The following SNX29 variants were observed in gnomAD, a reference collection of about 807,000 sequenced individuals.
SNX29 encodes sorting nexin 29, also known as sorting nexin-29.
SNX29 carries 78 observed loss-of-function variants against 102.1 expected under a neutral mutation model. The ratio of observed to expected loss-of-function variants is 0.76; its 90% CI spans 0.64 to 0.92. SNX29 has a LOEUF of 0.92. SNX29 is among the 40% of genes least tolerant of loss of function. The probability of loss-of-function intolerance (pLI) is 0.00; values close to 1 mark genes in which losing one functional copy is unlikely to be tolerated. For missense variants in SNX29, 1,280 were observed against 1,061.7 expected (o/e 1.21, Z -2.86); for synonymous variants, 580 against 414.5 (o/e 1.40, Z -4.85).
At chr16:12,545,072 T>C (rs2077526300) in intron 20 of SNX29, among the ~76,000 whole-genome samples, 1 of 152,132 alleles carries the variant, frequency 6.6e-6, no homozygotes, top group Non-Finnish European at 1.5e-5. Context: ...AGCCACGAAA[T>C]GCACTGTGCC....
Position 12,054,734 on chromosome 16 carries a change from A to G in SNX29, c.1124+2512A>G, listed in dbSNP as rs112532209. ...GTTGTGTGGAGCAGTTCCTCAATAT[A>G]AACCTGTATTTGTATCTCTCTGTCT... On this transcript the variant is annotated intron_variant, in intron 8 of 20. Coordinates refer to ENST00000566228, the MANE Select transcript of SNX29 (RefSeq NM_032167.5). 4.5e-3 allele frequency among the ~76,000 whole-genome samples: 687 copies of G among 152,196 alleles called. 12 individuals carry two copies. The highest frequency in any genetic ancestry group is 0.016 in the African/African-American group (657 of 41,526).
chr16:12,548,328 C>G (rs1157015579), intron 20 of SNX29, among the ~76,000 whole-genome samples: 1 of 152,202 alleles, frequency 6.6e-6, no homozygotes, highest in Non-Finnish European at 1.5e-5. Context: ...TGGCTTGGTG[C>G]CTCCATGGGG....
At chr16:12,398,360 T>G (rs1355120525) in intron 16 of SNX29, 86 bp from the exon 17 acceptor site, 9 of 1,434,368 alleles carry the variant, frequency 6.3e-6, no homozygotes, top group African/African-American at 1.4e-5. Context: ...CAGGGATCTC[T>G]GAGAGGCAGA....
intron 15 of SNX29, among the ~76,000 whole-genome samples, chr16:12,300,916 C>A (rs2080153839): frequency 6.6e-6 from 1 of 152,180 alleles, no homozygotes; most frequent in South Asian, 2.1e-4. Context: ...ACATTCCGTA[C>A]TCTGCCCTTG....
intron 4 of SNX29, among the ~76,000 whole-genome samples, chr16:12,039,683 T>C (rs2057573888): frequency 1.3e-5 from 2 of 152,246 alleles, no homozygotes; most frequent in Non-Finnish European, 2.9e-5. Context: ...AAGACTCAGC[T>C]TCCCCTACTT....
chr16:12,295,116 C>A (rs763980944), intron 15 of SNX29, among the ~76,000 whole-genome samples: 1 of 152,238 alleles, frequency 6.6e-6, no homozygotes, highest in Admixed American at 6.5e-5. Flanking sequence ...ATTATCCCCC[C>A]ACTGGTTCTT....
chr16:12,284,061 T>C (rs1025360676), intron 15 of SNX29, among the ~76,000 whole-genome samples: 1 of 152,262 alleles, frequency 6.6e-6, no homozygotes, highest in Non-Finnish European at 1.5e-5. Flanking sequence ...TTTACCTCTT[T>C]TAAGTACATT....
chr16:12,292,876 G>T (rs2079847430), intron 15 of SNX29, among the ~76,000 whole-genome samples: 1 of 152,186 alleles, frequency 6.6e-6, no homozygotes, highest in Non-Finnish European at 1.5e-5. Context: ...AAGGATCAGA[G>T]ATTTTACTAA....
At chr16:12,438,719 G>A (rs1229961437) in intron 18 of SNX29, among the ~76,000 whole-genome samples, 1 of 152,208 alleles carries the variant, frequency 6.6e-6, no homozygotes, top group Admixed American at 6.5e-5. Flanking sequence ...CAGTCAGAAA[G>A]CCCAGGGACT....
At chr16:12,154,891 G>C (rs1394643853) in intron 13 of SNX29, among the ~76,000 whole-genome samples, 4 of 152,154 alleles carry the variant, frequency 2.6e-5, no homozygotes, top group Non-Finnish European at 4.4e-5. Flanking sequence ...ATAACCATAG[G>C]CTCTTTAAAA....
chr16:12,358,814 G>A (rs1567475629), intron 16 of SNX29, among the ~76,000 whole-genome samples: 1 of 152,202 alleles, frequency 6.6e-6, no homozygotes, highest in Admixed American at 6.5e-5. Flanking sequence ...AAAAGGCCCA[G>A]GAAGACAGGA....
At position 12,572,741 on chromosome 16, in the gene SNX29, C is replaced by T; in HGVS notation, c.*4112C>T. On this transcript the variant is annotated 3_prime_UTR_variant, in exon 21 of 21. Transcript: ENST00000566228. ...CACAGAACTGATGGCAAAGGAAGGG[C>T]TGGGTTTTCAGCTTCTGGGACCCGA... 3 of 1,064,104 alleles carry T rather than the reference C, an allele frequency of 2.8e-6. No individual in the cohort carries two copies. Among genetic ancestry groups the T allele is most frequent in the East Asian group, 5.0e-5 (1 of 19,912 alleles). 65.9% of individuals were successfully genotyped at this position (1,064,104 alleles called of 1,614,324 possible).
intron 19 of SNX29, among the ~76,000 whole-genome samples, chr16:12,513,824 A>G (rs1254645067): frequency 6.6e-6 from 1 of 152,230 alleles, no homozygotes; most frequent in Non-Finnish European, 1.5e-5. Context: ...GACATTTGGG[A>G]AGCCACCGCT....
At chr16:12,391,201 C>T (rs145801035) in intron 16 of SNX29, among the ~76,000 whole-genome samples, 1 of 152,234 alleles carries the variant, frequency 6.6e-6, no homozygotes, top group East Asian at 1.9e-4. Flanking sequence ...CTGCATTGGC[C>T]TCCTGAATTA....
chr16:12,204,495 C>T (rs777831538), intron 14 of SNX29, among the ~76,000 whole-genome samples: 2 of 152,168 alleles, frequency 1.3e-5, no homozygotes, highest in Non-Finnish European at 2.9e-5. Flanking sequence ...GCCACCATAG[C>T]GTAGTCCTGT....
intron 18 of SNX29, among the ~76,000 whole-genome samples, chr16:12,434,053 C>G (rs1597367567): frequency 6.6e-6 from 1 of 152,258 alleles, no homozygotes; most frequent in East Asian, 1.9e-4. Context: ...TTGCCCAGAC[C>G]TAGATCAAGG....
At chr16:12,113,764 A>C (rs2053585063) in intron 11 of SNX29, among the ~76,000 whole-genome samples, 1 of 152,220 alleles carries the variant, frequency 6.6e-6, no homozygotes, top group African/African-American at 2.4e-5. Context: ...GGTCGGGGTC[A>C]TATCTCTGCT....
rs191669665 is a variant in SNX29, at chr16:12,565,662, T to C, written c.2319-2844T>C. 4.7e-4 allele frequency among the ~76,000 whole-genome samples: 71 copies of C among 152,336 alleles called. 1 individual carries two copies. In the East Asian group the frequency reaches 0.012, roughly 26 times the overall value. On this transcript the variant is annotated intron_variant, in intron 20 of 20. Coordinates refer to ENST00000566228, the MANE Select transcript of SNX29 (RefSeq NM_032167.5). ...CACATATAGCCTCGTGACAGCTCAG[T>C]GCACGTCCCGAGCTAACCCTGCCTT...
intron 14 of SNX29, among the ~76,000 whole-genome samples, chr16:12,260,717 GAGT>G (rs2078714246): frequency 6.6e-6 from 1 of 151,074 alleles, no homozygotes; most frequent in Non-Finnish European, 1.5e-5. Flanking sequence ...TGGAGTGAGT[GAGT>G]GTTGAGCTCA....
Sources: gnomAD v4.1 joint callset for allele counts (sites outside exome capture counted in the v4.1 genomes callset) on GRCh38, gnomAD v4.1.1 for gene constraint, MANE v1.5 for transcripts, NCBI Gene and HGNC (gene_info 2026-07-23, HGNC 2026-07-21) for gene names.